Variants in COL25A1 observed in about 807,000 individuals in gnomAD.
COL25A1 encodes the protein collagen type XXV alpha 1 chain.
In COL25A1, 103 loss-of-function variants were observed where a neutral mutation model predicts 128.4. The observed-to-expected ratio is 0.80, with a 90% CI of 0.68 to 0.94. COL25A1 has a LOEUF of 0.94. COL25A1 is among the 40% of genes least tolerant of loss of function. COL25A1 has a pLI of 0.00. For synonymous variants in COL25A1, 279 were observed against 277.2 expected, an observed-to-expected ratio of 1.01 and a Z score of -0.06; for missense variants, 745 against 840.0, an observed-to-expected ratio of 0.89 and a Z score of 1.40.
intron 26 of COL25A1, among the ~76,000 whole-genome samples, chr4:108,850,459 C>A (rs918444050): frequency 6.9e-6 from 1 of 145,556 alleles, no homozygotes; most frequent in African/African-American, 2.5e-5. Context: ...ATTATAAGAC[C>A]ATTGTGGGGT....
chr4:109,166,667 A>C (rs2126126099), intron 3 of COL25A1, among the ~76,000 whole-genome samples: 1 of 152,358 alleles, frequency 6.6e-6, no homozygotes, highest in East Asian at 1.9e-4. Flanking sequence ...ACGTATATTT[A>C]CAATGAAAAG....
At chr4:109,042,252 A>G (rs1273479995) in intron 5 of COL25A1, among the ~76,000 whole-genome samples, 1 of 152,104 alleles carries the variant, frequency 6.6e-6, no homozygotes, top group African/African-American at 2.4e-5. Context: ...ATGGAAGCCC[A>G]AACCACTCAA....
At chr4:108,820,098 A>G (rs1731630351) in intron 35 of COL25A1, among the ~76,000 whole-genome samples, 1 of 152,192 alleles carries the variant, frequency 6.6e-6, no homozygotes, top group Non-Finnish European at 1.5e-5. Flanking sequence ...GATTTTATTT[A>G]AGATACTCAA....
At chr4:108,854,618 T>C (rs1168754314) in intron 24 of COL25A1, among the ~76,000 whole-genome samples, 1 of 152,090 alleles carries the variant, frequency 6.6e-6, no homozygotes, top group African/African-American at 2.4e-5. Context: ...AAAAAGCTCA[T>C]CATCACTGGT....
At chr4:109,297,585 G>A (rs1431341392) in intron 3 of COL25A1, among the ~76,000 whole-genome samples, 1 of 151,786 alleles carries the variant, frequency 6.6e-6, no homozygotes, top group African/African-American at 2.4e-5. Flanking sequence ...ATTATCTCAT[G>A]AATAATCTAC....
chr4:109,057,192 C>T (rs3113682), intron 3 of COL25A1, among the ~76,000 whole-genome samples: 75,133 of 151,974 alleles, frequency 0.49, 20,370 homozygotes, highest in African/African-American at 0.7. Context: ...GGTATGCCCT[C>T]CTGGCAAAGC....
At chr4:109,014,908 C>T (rs1757073618) in intron 5 of COL25A1, among the ~76,000 whole-genome samples, 2 of 152,316 alleles carry the variant, frequency 1.3e-5, no homozygotes, top group South Asian at 2.1e-4. Context: ...TATGAGATTC[C>T]AGGACTGCCT....
At chr4:109,121,752 T>G (rs1049079751) in intron 3 of COL25A1, among the ~76,000 whole-genome samples, 1 of 152,104 alleles carries the variant, frequency 6.6e-6, no homozygotes, top group Admixed American at 6.6e-5. Flanking sequence ...TACCACATGA[T>G]TCAGCAATAA....
rs181453737 is a variant in COL25A1, at chr4:109,243,902, T to G, written c.367+56681A>C. Among the ~76,000 whole-genome samples the G allele has an allele frequency of 7.5e-4, 114 of 152,234 alleles. No homozygotes were observed. In the East Asian group the frequency reaches 7.9e-3, roughly 11 times the overall value. The stretch of plus-strand genomic sequence containing the variant: ...AATCTATGTTTTTTGAGTGAGTTTC[T>G]CTTGCATCTGTTGAGCATGTAGAAT... On this transcript the variant is annotated intron_variant, in intron 3 of 37. Transcript: ENST00000399132.
Position 109,301,784 on chromosome 4 carries a change from GGCA to G in COL25A1, c.233_235del (p.Leu78del), listed in dbSNP as rs1725572626. The stretch of plus-strand genomic sequence containing the variant: ...AGTCTTGAGGTGATCCAGGGTATCA[GGCA>G]GCAGATGAATGGAAGGGGCCCCTTT... On this transcript the variant is annotated inframe_deletion, in exon 2 of 38. Coordinates refer to ENST00000399132, the MANE Select transcript of COL25A1 (RefSeq NM_198721.4). 6.2e-7 allele frequency: 1 copy of G among 1,614,158 alleles called. No individual in the cohort carries two copies. The highest frequency in any genetic ancestry group is 1.1e-5 in the South Asian group (1 of 91,088).
At chr4:109,189,547 CAAAAAAAAAAAAA>C (rs33989375) in intron 3 of COL25A1, among the ~76,000 whole-genome samples, 3 of 53,606 alleles carry the variant, frequency 5.6e-5, no homozygotes, top group African/African-American at 1.8e-4. Flanking sequence ...GACTCCATCT[CAAAAAAAAAAAAA>C]AAAAAAAAAA....
intron 3 of COL25A1, among the ~76,000 whole-genome samples, chr4:109,254,401 A>G (rs1780905048): frequency 6.9e-6 from 1 of 145,586 alleles, no homozygotes; most frequent in African/African-American, 2.5e-5. Context: ...AACGCTATTG[A>G]GCAGTTTCCT....
chr4:109,123,211 A>C (rs2126057048), intron 3 of COL25A1, among the ~76,000 whole-genome samples: 1 of 152,130 alleles, frequency 6.6e-6, no homozygotes, highest in Non-Finnish European at 1.5e-5. Flanking sequence ...TCTGACAACA[A>C]GAACTTTAAT....
intron 3 of COL25A1, among the ~76,000 whole-genome samples, chr4:109,203,831 T>G (rs1776763249): frequency 6.6e-6 from 1 of 152,028 alleles, no homozygotes. Flanking sequence ...ATCAAATAAT[T>G]ATTTGTGGTT....
At chr4:108,841,796 T>TCTCTTTTGTTATGTG in intron 30 of COL25A1, 75 bp from the exon 31 acceptor site, 1 of 1,162,432 alleles carries the variant, frequency 8.6e-7, no homozygotes, top group Non-Finnish European at 1.3e-6. Context: ...TTATATCACA[T>TCTCTTTTGTTATGTG]AACAAAAGAG....
At chr4:108,815,832 C>G (rs1385428623) in intron 37 of COL25A1, among the ~76,000 whole-genome samples, 1 of 151,986 alleles carries the variant, frequency 6.6e-6, no homozygotes, top group African/African-American at 2.4e-5. Context: ...GATTATAAAC[C>G]CCTTTAAAAA....
At chr4:109,019,388 ATATATATATATT>A (rs1757519588) in intron 5 of COL25A1, among the ~76,000 whole-genome samples, 4 of 140,932 alleles carry the variant, frequency 2.8e-5, no homozygotes, top group Admixed American at 2.8e-4. Context: ...ATATATATAT[ATATATATATATT>A]TATATGTGTA....
chr4:108,919,479 AC>A (rs1560863205), intron 12 of COL25A1, among the ~76,000 whole-genome samples: 1 of 152,202 alleles, frequency 6.6e-6, no homozygotes, highest in Non-Finnish European at 1.5e-5. Flanking sequence ...TTATGTTTCA[AC>A]AGATGCCACA....
chr4:108,993,922 A>T (rs779999768), intron 6 of COL25A1, among the ~76,000 whole-genome samples: 5 of 152,038 alleles, frequency 3.3e-5, no homozygotes, highest in African/African-American at 9.7e-5. Context: ...GAAAGCATAG[A>T]TCCTGCCTTT....
Sources: gnomAD v4.1 joint callset for allele counts (sites outside exome capture counted in the v4.1 genomes callset) on GRCh38, gnomAD v4.1.1 for gene constraint, MANE v1.5 for transcripts, NCBI Gene and HGNC (gene_info 2026-07-23, HGNC 2026-07-21) for gene names.